The following TRPM3 variants were observed in gnomAD, a reference collection of about 807,000 sequenced individuals.
The protein encoded by TRPM3 is long transient receptor potential channel 3.
A neutral mutation model predicts 181.2 loss-of-function variants in TRPM3; 77 were observed. The observed-to-expected ratio is 0.42, with a 90% CI of 0.35 to 0.51. The LOEUF (loss-of-function observed/expected upper bound fraction) is 0.51. TRPM3 is among the 20% of genes least tolerant of loss of function. The probability of loss-of-function intolerance (pLI) is 0.01; values close to 1 mark genes in which losing one functional copy is unlikely to be tolerated. For synonymous variants in TRPM3, 745 were observed against 796.4 expected, an observed-to-expected ratio of 0.94 and a Z score of 1.09; for missense variants, 1,759 against 2,196.7, an observed-to-expected ratio of 0.80 and a Z score of 3.98.
intron 1 of TRPM3, among the ~76,000 whole-genome samples, chr9:71,056,242 G>A (rs1379979430): frequency 1.3e-5 from 2 of 152,006 alleles, no homozygotes; most frequent in Non-Finnish European, 2.9e-5. Context: ...CTCATTGTCT[G>A]TGAATGGAAA....
intron 1 of TRPM3, among the ~76,000 whole-genome samples, chr9:71,248,193 A>G (rs1359721150): frequency 2.0e-5 from 3 of 152,220 alleles, no homozygotes; most frequent in Non-Finnish European, 4.4e-5. Flanking sequence ...TTCCTTTGGA[A>G]AATTCTCCCA....
intron 22 of TRPM3, among the ~76,000 whole-genome samples, chr9:70,567,207 G>T (rs2050832562): frequency 6.6e-6 from 1 of 152,190 alleles, no homozygotes; most frequent in South Asian, 2.1e-4. Context: ...ATAGCCAGAG[G>T]TTAACCTGAA....
intron 7 of TRPM3, chr9:70,776,385 G>A (rs2081361847): frequency 1.4e-6 from 1 of 697,698 alleles, no homozygotes; most frequent in Non-Finnish European, 2.7e-6. Flanking sequence ...TCTCAGCTGA[G>A]AGGACCGTCA....
intron 1 of TRPM3, among the ~76,000 whole-genome samples, chr9:70,885,562 C>A (rs2096070787): frequency 6.6e-6 from 1 of 152,060 alleles, no homozygotes; most frequent in South Asian, 2.1e-4. Flanking sequence ...CACTTTTTAC[C>A]CAGCTAGGTC....
chr9:71,012,911 C>T (rs889789162), intron 1 of TRPM3, among the ~76,000 whole-genome samples: 4 of 152,040 alleles, frequency 2.6e-5, no homozygotes, highest in African/African-American at 9.7e-5. Flanking sequence ...ATACATCCAA[C>T]ACAATATTAA....
intron 1 of TRPM3, among the ~76,000 whole-genome samples, chr9:71,090,852 G>C (rs2066081689): frequency 6.6e-6 from 1 of 152,054 alleles, no homozygotes. Flanking sequence ...TTAGTACTGT[G>C]CCGGGCATAT....
intron 1 of TRPM3, among the ~76,000 whole-genome samples, chr9:71,202,158 G>A (rs1296486234): frequency 3.9e-5 from 6 of 152,162 alleles, no homozygotes; most frequent in South Asian, 2.1e-4. Context: ...TTCATGAACC[G>A]CAAATGCTGC....
intron 1 of TRPM3, among the ~76,000 whole-genome samples, chr9:71,271,353 T>G (rs2083774292): frequency 6.6e-6 from 1 of 152,256 alleles, no homozygotes; most frequent in African/African-American, 2.4e-5. Context: ...AGGCAGAAAC[T>G]TTGCCTTTTT....
At chr9:71,368,644 T>C (rs940466955) in intron 1 of TRPM3, among the ~76,000 whole-genome samples, 1 of 152,212 alleles carries the variant, frequency 6.6e-6, no homozygotes, top group Non-Finnish European at 1.5e-5. Context: ...TAGAGTTGCA[T>C]GTAACAGCTT....
chr9:70,869,718 G>A (rs539498973), intron 1 of TRPM3, among the ~76,000 whole-genome samples: 1 of 151,958 alleles, frequency 6.6e-6, no homozygotes, highest in Admixed American at 6.6e-5. Context: ...GCAAATGTAT[G>A]ATTAGAAACC....
intron 1 of TRPM3, among the ~76,000 whole-genome samples, chr9:70,986,850 T>A (rs919500756): frequency 2.6e-5 from 4 of 152,038 alleles, no homozygotes; most frequent in African/African-American, 4.8e-5. Flanking sequence ...ATCATAGTCA[T>A]CCCTCAAGGA....
intron 18 of TRPM3, among the ~76,000 whole-genome samples, chr9:70,612,663 T>C (rs995457280): frequency 2.0e-5 from 3 of 152,196 alleles, no homozygotes; most frequent in African/African-American, 7.2e-5. Flanking sequence ...TACTAAGACT[T>C]ATTGAAGTGT....
chr9:71,277,462 T>C (rs1456661939), intron 1 of TRPM3, among the ~76,000 whole-genome samples: 4 of 152,254 alleles, frequency 2.6e-5, no homozygotes, highest in Non-Finnish European at 5.9e-5. Context: ...TGATGAGTCA[T>C]ACTGAGGTAA....
chr9:71,440,153 T>G (rs1055651044), intron 1 of TRPM3, among the ~76,000 whole-genome samples: 1 of 152,064 alleles, frequency 6.6e-6, no homozygotes, highest in African/African-American at 2.4e-5. Flanking sequence ...AATACTTTTC[T>G]TTATTAACAA....
chr9:70,854,091 A>T (rs1260687961), intron 3 of TRPM3, among the ~76,000 whole-genome samples: 1 of 152,182 alleles, frequency 6.6e-6, no homozygotes, highest in Non-Finnish European at 1.5e-5. Flanking sequence ...CAATTAATCA[A>T]TTCCTATTAA....
At chr9:71,111,341 C>A (rs2071029487) in intron 1 of TRPM3, among the ~76,000 whole-genome samples, 1 of 152,100 alleles carries the variant, frequency 6.6e-6, no homozygotes, top group African/African-American at 2.4e-5. Context: ...AATTACGTAC[C>A]CACCCGTTAA....
intron 8 of TRPM3, among the ~76,000 whole-genome samples, chr9:70,760,041 T>C (rs1025548708): frequency 6.6e-6 from 1 of 152,106 alleles, no homozygotes; most frequent in African/African-American, 2.4e-5. Flanking sequence ...ACATTTCTTA[T>C]AACAAATAAC....
intron 10 of TRPM3, among the ~76,000 whole-genome samples, chr9:70,639,883 G>A (rs987708752): frequency 6.6e-6 from 1 of 152,256 alleles, no homozygotes; most frequent in Admixed American, 6.5e-5. Context: ...AAACTCTCTA[G>A]GGGAAAGGAA....
rs575231703 is a variant in TRPM3, at chr9:70,595,881, G to A, written c.3048+2538C>T. On this transcript the variant is annotated intron_variant, in intron 21 of 25. Transcript: ENST00000677713. ...AAATCCCCAATTGAACTGGGGTTCCGTTTTGGGTAAGTAACTCAAGCTCAT... is the reference window on the plus strand; with the variant it reads ...AAATCCCCAATTGAACTGGGGTTCCATTTTGGGTAAGTAACTCAAGCTCAT... 5.6e-4 allele frequency among the ~76,000 whole-genome samples: 86 copies of A among 152,222 alleles called. No individual in the cohort carries two copies. In the South Asian group the frequency reaches 0.016, roughly 29 times the overall value.
Sources: allele counts gnomAD v4.1 joint callset (sites outside exome capture counted in the v4.1 genomes callset), GRCh38; gene constraint gnomAD v4.1.1; transcripts MANE v1.5; gene names NCBI Gene and HGNC (gene_info 2026-07-23, HGNC 2026-07-21).